The following SUPT3H variants were observed in gnomAD, a reference collection of about 807,000 sequenced individuals.
SUPT3H encodes SPT3 homolog, SAGA and STAGA complex component, also known as transcription initiation protein SPT3 homolog.
Under a neutral mutation model 44.3 loss-of-function variants are expected in SUPT3H, and 44 were observed. That is an observed-to-expected ratio of 0.99 (90% CI 0.78 to 1.28). The LOEUF is 1.28. Among genes scored for constraint, SUPT3H ranks in the 50% most tolerant of loss-of-function variants. The pLI is 0.00. For synonymous variants in SUPT3H, 124 were observed against 125.6 expected (o/e 0.99, Z 0.09); for missense variants, 380 against 387.1 (o/e 0.98, Z 0.15).
At chr6:45,274,072 G>GTT (rs1163249769) in intron 2 of SUPT3H, among the ~76,000 whole-genome samples, 1 of 152,154 alleles carries the variant, frequency 6.6e-6, no homozygotes, top group Non-Finnish European at 1.5e-5. Flanking sequence ...CTTTTCATGT[G>GTT]TTTATTTGGC....
chr6:45,109,426 TA>T (rs1242388632), intron 2 of SUPT3H, among the ~76,000 whole-genome samples: 4 of 152,092 alleles, frequency 2.6e-5, no homozygotes, highest in East Asian at 3.9e-4. Flanking sequence ...ACATCTATAG[TA>T]AAAAAATTAA....
chr6:45,115,367 T>C (rs1166685810), intron 2 of SUPT3H, among the ~76,000 whole-genome samples: 1 of 152,156 alleles, frequency 6.6e-6, no homozygotes, highest in Non-Finnish European at 1.5e-5. Context: ...ATTTTTCAGA[T>C]TGACAGTGTC....
chr6:45,239,989 C>A (rs1769985957), intron 2 of SUPT3H, among the ~76,000 whole-genome samples: 1 of 152,198 alleles, frequency 6.6e-6, no homozygotes. Flanking sequence ...CAGAAACCAG[C>A]TGCAAAGACA....
intron 2 of SUPT3H, among the ~76,000 whole-genome samples, chr6:45,138,603 CTCTGTGTGTGTGTGTG>C (rs1241680829): frequency 2.0e-5 from 3 of 151,850 alleles, no homozygotes; most frequent in African/African-American, 4.8e-5. Context: ...ATGGAAAATA[CTCTGTGTGTGTGTGTG>C]TCTGTGTGTG....
At chr6:45,356,259 T>C (rs1249968250) in intron 2 of SUPT3H, among the ~76,000 whole-genome samples, 1 of 152,104 alleles carries the variant, frequency 6.6e-6, no homozygotes, top group Non-Finnish European at 1.5e-5. Flanking sequence ...AAAAGATATA[T>C]TTGCAAAAGA....
At chr6:45,365,170 T>G in intron 2 of SUPT3H, 31 bp downstream of exon 2, 1 of 1,276,218 alleles carries the variant, frequency 7.8e-7, no homozygotes, top group Non-Finnish European at 1.1e-6. Context: ...TTTAAAATAG[T>G]AATAGCAATA....
At chr6:45,070,048 T>C (rs1220305323) in intron 3 of SUPT3H, among the ~76,000 whole-genome samples, 2 of 152,298 alleles carry the variant, frequency 1.3e-5, no homozygotes, top group East Asian at 3.9e-4. Flanking sequence ...GGTATGAATA[T>C]ATCATGGTCA....
At chr6:45,370,405 C>A (rs1795865423) in intron 1 of SUPT3H, among the ~76,000 whole-genome samples, 1 of 151,920 alleles carries the variant, frequency 6.6e-6, no homozygotes, top group South Asian at 2.1e-4. Context: ...AAAAACAGTT[C>A]AGTTGGGCCT....
intron 2 of SUPT3H, among the ~76,000 whole-genome samples, chr6:45,107,810 A>G (rs1486590302): frequency 6.6e-6 from 1 of 152,188 alleles, no homozygotes; most frequent in Non-Finnish European, 1.5e-5. Context: ...GGACCAACAA[A>G]CTGCAGAATC....
At chr6:44,981,172 T>G (rs967214444) in intron 6 of SUPT3H, among the ~76,000 whole-genome samples, 1 of 152,090 alleles carries the variant, frequency 6.6e-6, no homozygotes, top group Non-Finnish European at 1.5e-5. Context: ...TAGGGAGAAA[T>G]ACACTACAGG....
intron 2 of SUPT3H, among the ~76,000 whole-genome samples, chr6:45,265,779 G>A (rs1775151048): frequency 6.6e-6 from 1 of 151,934 alleles, no homozygotes; most frequent in African/African-American, 2.4e-5. Flanking sequence ...TTTGGATAGA[G>A]GTACTGAATA....
intron 2 of SUPT3H, among the ~76,000 whole-genome samples, chr6:45,253,044 C>T (rs997517189): frequency 2.0e-5 from 3 of 150,606 alleles, no homozygotes; most frequent in African/African-American, 7.3e-5. Flanking sequence ...AGCATGACAT[C>T]GAAGCTAGAA....
chr6:45,264,892 A>G (rs1009680458), intron 2 of SUPT3H, among the ~76,000 whole-genome samples: 4 of 152,116 alleles, frequency 2.6e-5, no homozygotes, highest in African/African-American at 9.7e-5. Flanking sequence ...AGAAAAGAGA[A>G]ACTATTTTTA....
chr6:45,187,985 G>C (rs1026170773), intron 2 of SUPT3H, among the ~76,000 whole-genome samples: 2 of 152,136 alleles, frequency 1.3e-5, no homozygotes, highest in Non-Finnish European at 2.9e-5. Context: ...TACCATTCTG[G>C]GTAGCATGAT....
chr6:44,928,903 AAG>A (rs773695056), intron 10 of SUPT3H, among the ~76,000 whole-genome samples: 21,069 of 55,738 alleles, frequency 0.38, 5,880 homozygotes, highest in South Asian at 0.46. Flanking sequence ...AAAAAAAAAA[AAG>A]AAAAGAAAAG....
chr6:45,007,619 A>T (rs1206033689), intron 5 of SUPT3H, among the ~76,000 whole-genome samples: 4 of 151,906 alleles, frequency 2.6e-5, no homozygotes, highest in African/African-American at 7.3e-5. Flanking sequence ...TGTTCTCCTT[A>T]CTTTTTAAAA....
chr6:44,965,791 A>G, intron 6 of SUPT3H, among the ~76,000 whole-genome samples: 1 of 152,202 alleles, frequency 6.6e-6, no homozygotes, highest in East Asian at 1.9e-4. Flanking sequence ...ATCATCTTAA[A>G]TACTGAGAAA....
At chr6:45,060,533 G>T (rs530732298) in intron 3 of SUPT3H, among the ~76,000 whole-genome samples, 11 of 151,680 alleles carry the variant, frequency 7.3e-5, no homozygotes, top group Non-Finnish European at 1.5e-4. Context: ...ACAGGCATGG[G>T]CAAAGATTTC....
chr6:45,175,169 GTA>G (rs1337165898), intron 2 of SUPT3H, among the ~76,000 whole-genome samples: 3 of 151,454 alleles, frequency 2.0e-5, no homozygotes, highest in African/African-American at 4.9e-5. Flanking sequence ...TATATATACC[GTA>G]TATGTTTGCA....
Sources: gnomAD v4.1 joint callset for allele counts (sites outside exome capture counted in the v4.1 genomes callset) on GRCh38, gnomAD v4.1.1 for gene constraint, MANE v1.5 for transcripts, NCBI Gene and HGNC (gene_info 2026-07-23, HGNC 2026-07-21) for gene names.